The following FER variants were observed in gnomAD, a reference collection of about 807,000 sequenced individuals.
FER encodes the protein tyrosine-protein kinase Fer.
Under a neutral mutation model 111.0 loss-of-function variants are expected in FER, and 63 were observed. The observed-to-expected ratio is 0.57, with a 90% CI of 0.46 to 0.70. The LOEUF is 0.70. Among genes scored for constraint, FER ranks in the 30% least tolerant of loss-of-function variants. FER has a pLI of 0.00. For synonymous variants in FER, 327 were observed against 313.9 expected (o/e 1.04, Z -0.44); for missense variants, 914 against 954.0 (o/e 0.96, Z 0.55).
intron 13 of FER, among the ~76,000 whole-genome samples, chr5:109,019,982 A>T (rs1280800475): frequency 6.6e-6 from 1 of 151,918 alleles, no homozygotes; most frequent in Non-Finnish European, 1.5e-5. Flanking sequence ...TTTAGAATTT[A>T]CTTCAAGGTA....
intron 13 of FER, among the ~76,000 whole-genome samples, chr5:109,002,695 A>G (rs1764954218): frequency 6.6e-6 from 1 of 152,004 alleles, no homozygotes; most frequent in Non-Finnish European, 1.5e-5. Context: ...AACCTACAAA[A>G]TGGGAGAAAA....
chr5:108,814,949 T>A (rs992803117), intron 3 of FER, among the ~76,000 whole-genome samples: 9 of 152,186 alleles, frequency 5.9e-5, no homozygotes, highest in African/African-American at 2.2e-4. Context: ...TTCCCCCAAC[T>A]ACCTGGTTTC....
At chr5:108,748,319 T>C (rs1750017826) in intron 1 of FER, 1 of 152,248 alleles carries the variant, frequency 6.6e-6, no homozygotes, top group South Asian at 2.1e-4. Context: ...TTCCCGGAGA[T>C]TTCAGCTCCA....
chr5:108,951,686 G>T (rs1026864205), intron 11 of FER, among the ~76,000 whole-genome samples: 2 of 152,018 alleles, frequency 1.3e-5, no homozygotes, highest in African/African-American at 2.4e-5. Flanking sequence ...CTCAGTAAGG[G>T]TTTTACTTGT....
rs1759282033 is a variant in FER, at chr5:109,190,221, T to C, written c.*2646T>C. On this transcript the variant is annotated 3_prime_UTR_variant, in exon 20 of 20. Coordinates refer to ENST00000281092, the MANE Select transcript of FER (RefSeq NM_005246.4). ...GAACATACTGTTCAGAATGTGCAAG[T>C]TGATGTAGGGAAAGGAAGATTCAGA... 6.6e-6 allele frequency: 1 copy of C among 152,114 alleles called. No homozygotes were observed. The highest frequency in any genetic ancestry group is 2.1e-4 in the South Asian group (1 of 4,826). The allele number at this position is 152,114 out of a possible 1,614,324, so 9.4% of individuals were successfully genotyped here.
chr5:108,749,439 A>G (rs1308959058), intron 1 of FER, among the ~76,000 whole-genome samples: 7 of 151,840 alleles, frequency 4.6e-5, no homozygotes, highest in African/African-American at 1.7e-4. Flanking sequence ...GCACCACCCA[A>G]TCTTGCCTGT....
Position 108,844,366 on chromosome 5 carries a change from A to C in FER, c.481+8559A>C, listed in dbSNP as rs113811176. Among the ~76,000 whole-genome samples the C allele has an allele frequency of 9.2e-5, 14 of 152,310 alleles. 1 individual carries two copies. Among genetic ancestry groups the C allele is most frequent in the Admixed American group, 2.0e-4 (3 of 15,304 alleles). Reference sequence around the variant, plus strand: ...ATAATCTGTTTTCAAATTCATTACAAAAATGTCCTTTATAACCTTGTTTGT... The same window carrying C: ...ATAATCTGTTTTCAAATTCATTACACAAATGTCCTTTATAACCTTGTTTGT... On this transcript the variant is annotated intron_variant, in intron 5 of 19. Transcript: ENST00000281092.
intron 5 of FER, among the ~76,000 whole-genome samples, chr5:108,844,983 GGTGTGT>G (rs147584034): frequency 0.18 from 9,711 of 53,882 alleles, 1,032 homozygotes; most frequent in Non-Finnish European, 0.2. Flanking sequence ...GTTCATTGCT[GGTGTGT>G]GTGTGTGTAT....
intron 11 of FER, among the ~76,000 whole-genome samples, chr5:108,948,430 C>T (rs1364246048): frequency 6.6e-6 from 1 of 152,002 alleles, no homozygotes; most frequent in Non-Finnish European, 1.5e-5. Context: ...CTTTCCTTTC[C>T]AGTGTACCAA....
At chr5:108,946,723 G>C (rs1321812633) in intron 11 of FER, among the ~76,000 whole-genome samples, 1 of 151,998 alleles carries the variant, frequency 6.6e-6, no homozygotes, top group Non-Finnish European at 1.5e-5. Context: ...TAGTGCTAGA[G>C]TATTAGTTGT....
chr5:108,958,555 T>C (rs1425856770), intron 12 of FER, among the ~76,000 whole-genome samples: 1 of 151,720 alleles, frequency 6.6e-6, no homozygotes, highest in Non-Finnish European at 1.5e-5. Context: ...TTGAGGAAAA[T>C]TGCACCTTAC....
intron 13 of FER, among the ~76,000 whole-genome samples, chr5:109,026,487 C>T (rs558580734): frequency 6.6e-6 from 1 of 151,752 alleles, no homozygotes; most frequent in African/African-American, 2.4e-5. Flanking sequence ...TGATCAAATT[C>T]TGAATAATTC....
At chr5:108,905,337 T>G (rs997114643) in intron 10 of FER, among the ~76,000 whole-genome samples, 2 of 152,178 alleles carry the variant, frequency 1.3e-5, no homozygotes, top group East Asian at 3.8e-4. Context: ...TTGGAAAAAC[T>G]ATATGTATAT....
rs1759447014 is a variant in FER, at chr5:108,826,160, C to T, written c.208-6610C>T. Among the ~76,000 whole-genome samples the T allele has an allele frequency of 2.6e-5, 4 of 152,244 alleles. No homozygotes were observed. The South Asian group carries it at 6.2e-4, about 24-fold the overall frequency. On this transcript the variant is annotated intron_variant, in intron 3 of 19. Coordinates refer to ENST00000281092, the MANE Select transcript of FER (RefSeq NM_005246.4). ...AAAGGATGTTGAATTTTGCCCAATA[C>T]TCTTTGTGCATATATTGACACGATC...
At chr5:108,952,051 G>T (rs1469348237) in intron 11 of FER, among the ~76,000 whole-genome samples, 1 of 151,852 alleles carries the variant, frequency 6.6e-6, no homozygotes, top group Non-Finnish European at 1.5e-5. Flanking sequence ...CAAGATCTAG[G>T]GAAAATAACT....
intron 13 of FER, among the ~76,000 whole-genome samples, chr5:108,966,401 T>TG (rs1759833663): frequency 6.6e-6 from 1 of 150,728 alleles, no homozygotes; most frequent in African/African-American, 2.4e-5. Flanking sequence ...TTTTTTTTTT[T>TG]TTTTGAGATG....
chr5:109,102,150 C>CT (rs1330069374), intron 17 of FER, among the ~76,000 whole-genome samples: 1 of 152,038 alleles, frequency 6.6e-6, no homozygotes, highest in Non-Finnish European at 1.5e-5. Flanking sequence ...TGGCAGTTAG[C>CT]TTTTTTGAAT....
At chr5:108,877,311 A>G (rs2150263936) in intron 8 of FER, among the ~76,000 whole-genome samples, 1 of 152,360 alleles carries the variant, frequency 6.6e-6, no homozygotes, top group African/African-American at 2.4e-5. Context: ...AAGATTTGGA[A>G]AAATGTAAAA....
At position 109,184,618 on chromosome 5, in the gene FER, C is replaced by T. The variant is rs140085733; in HGVS notation, c.2204-1582C>T. ...CATTTTCTTAAAGAATTAGTCTTAA[C>T]TTGTAGCCATAGAATGATTTTCATG... On this transcript the variant is annotated intron_variant, in intron 18 of 19. Transcript: ENST00000281092. Among the ~76,000 whole-genome samples the T allele has an allele frequency of 3.1e-3, 466 of 152,242 alleles. 6 individuals are homozygous for T. The highest frequency in any genetic ancestry group is 5.6e-4 in the Non-Finnish European group (38 of 67,992).
Sources: gnomAD v4.1 joint callset for allele counts (sites outside exome capture counted in the v4.1 genomes callset) on GRCh38, gnomAD v4.1.1 for gene constraint, MANE v1.5 for transcripts, NCBI Gene and HGNC (gene_info 2026-07-23, HGNC 2026-07-21) for gene names.